Variants in EEA1 observed in about 807,000 individuals in gnomAD.
EEA1 encodes the protein early endosome antigen 1, 162kD.
EEA1 carries 111 observed loss-of-function variants against 209.2 expected under a neutral mutation model. The ratio of observed to expected loss-of-function variants is 0.53; its 90% CI spans 0.45 to 0.62. EEA1 has a LOEUF of 0.62. Among genes scored for constraint, EEA1 ranks in the 20% least tolerant of loss-of-function variants. The pLI is 0.00. For missense variants in EEA1, 1,343 were observed against 1,530.8 expected, an observed-to-expected ratio of 0.88 and a Z score of 2.05; for synonymous variants, 536 against 540.6, an observed-to-expected ratio of 0.99 and a Z score of 0.12.
At chr12:92,819,116 T>C (rs1875929079) in intron 14 of EEA1, among the ~76,000 whole-genome samples, 192 bp downstream of exon 14, 2 of 152,312 alleles carry the variant, frequency 1.3e-5, no homozygotes, top group South Asian at 4.1e-4. Context: ...CTTTGTCAAA[T>C]CATGTTAACT....
chr12:92,929,019 A>C (rs1372171170), intron 1 of EEA1, 24 bp downstream of exon 1: 2 of 1,585,828 alleles, frequency 1.3e-6, no homozygotes, highest in African/African-American at 1.4e-5. Context: ...ACGTGCTGCC[A>C]GAAAGACGGT....
chr12:92,809,091 C>T lies in EEA1; in HGVS notation c.2265G>A (p.Gln755=). The T allele has an allele frequency of 6.2e-7, 1 of 1,608,512 alleles. No individual in the cohort carries two copies. Among genetic ancestry groups the T allele is most frequent in the African/African-American group, 1.3e-5 (1 of 74,800 alleles). ...CTAAATCTGTGTTCAGCTGTCTTTG[C>T]TGTTGTAGATCTTGCAAAGCCTGCT... ...SKEQALQDLQ[Q]QRQLNTDLEL... Residue 755 remains glutamine (Q), a synonymous_variant, in exon 18 of 29, where the codon CAG becomes CAA. Transcript: ENST00000322349.
Position 92,776,055 on chromosome 12 carries a change from G to C in EEA1, c.4192C>G (p.Pro1398Ala). 1 of 1,611,492 alleles carries C rather than the reference G, an allele frequency of 6.2e-7. No individual in the cohort carries two copies. Among genetic ancestry groups the C allele is most frequent in the Non-Finnish European group, 8.5e-7 (1 of 1,178,348 alleles). Residue 1398 changes from proline (P) to alanine (A), a missense_variant, in exon 29 of 29, where the codon CCT becomes GCT. Physicochemically the swap from Pro to Ala is conservative, Grantham distance 27. Coordinates refer to ENST00000322349, the MANE Select transcript of EEA1 (RefSeq NM_003566.4). ...KNALTPSSKK[P>A]VRVCDACFND... ...AAACATGCATCACAGACACGAACAG[G>C]CTTCTTGGAGGAAGGAGTTAAGGCA...
intron 24 of EEA1, among the ~76,000 whole-genome samples, chr12:92,779,718 T>C (rs1041178483): frequency 1.3e-5 from 2 of 152,042 alleles, no homozygotes; most frequent in Non-Finnish European, 2.9e-5. Flanking sequence ...TAATTAATTA[T>C]AAACCAAAAT....
chr12:92,846,104 T>C (rs1214841114), intron 9 of EEA1, among the ~76,000 whole-genome samples: 1 of 152,190 alleles, frequency 6.6e-6, no homozygotes, highest in African/African-American at 2.4e-5. Flanking sequence ...TAAATAATCA[T>C]TTTAAAATGG....
intron 10 of EEA1, among the ~76,000 whole-genome samples, chr12:92,837,704 G>A (rs571354694): frequency 6.6e-6 from 1 of 152,268 alleles, no homozygotes; most frequent in African/African-American, 2.4e-5. Flanking sequence ...TTCAAGGCTA[G>A]TAATTATAAA....
At chr12:92,845,372 G>A (rs1458302226) in intron 9 of EEA1, among the ~76,000 whole-genome samples, 1 of 151,768 alleles carries the variant, frequency 6.6e-6, no homozygotes, top group Admixed American at 6.6e-5. Flanking sequence ...GTTTATATTT[G>A]GGGAAAAAAT....
At chr12:92,816,017 A>AG (rs1875765971) in intron 15 of EEA1, among the ~76,000 whole-genome samples, 183 bp downstream of exon 15, 1 of 151,174 alleles carries the variant, frequency 6.6e-6, no homozygotes, top group Admixed American at 6.6e-5. Context: ...AGAGACAGAG[A>AG]GGGGGAGCAG....
chr12:92,918,711 CA>C (rs1880868329), intron 1 of EEA1, among the ~76,000 whole-genome samples: 1 of 101,618 alleles, frequency 9.8e-6, no homozygotes, highest in South Asian at 2.8e-4. Context: ...CAAAGACATT[CA>C]AAAGCTAGCA....
At chr12:92,808,687 A>G (rs1040647233) in intron 18 of EEA1, among the ~76,000 whole-genome samples, 3 of 152,080 alleles carry the variant, frequency 2.0e-5, no homozygotes, top group Non-Finnish European at 4.4e-5. Context: ...ATATCCCCGA[A>G]TTTTTTAATT....
intron 10 of EEA1, among the ~76,000 whole-genome samples, chr12:92,836,528 TG>T (rs1285499955): frequency 6.6e-6 from 1 of 152,212 alleles, no homozygotes; most frequent in Non-Finnish European, 1.5e-5. Context: ...TCATCTCACT[TG>T]TTCCTCAGAA....
intron 2 of EEA1, among the ~76,000 whole-genome samples, chr12:92,885,242 A>C (rs1214869666): frequency 1.3e-5 from 2 of 152,100 alleles, no homozygotes; most frequent in Middle Eastern, 3.2e-3. Context: ...ACTACACGCT[A>C]TAAAATATAA....
chr12:92,802,496 CCTTT>C lies in EEA1; in HGVS notation c.2574_2577del (p.Lys859ThrfsTer10). 1 of 1,588,858 alleles carries C rather than the reference CCTTT, an allele frequency of 6.3e-7. No homozygotes were observed. The highest frequency in any genetic ancestry group is 8.5e-7 in the Non-Finnish European group (1 of 1,173,090). ...GAATCAGAAACTTTTGATAGTTTGTCCTTTACTGTAGAAAGCTCTGTCATTAAAG... is the reference window on the plus strand; with the variant it reads ...GAATCAGAAACTTTTGATAGTTTGTCACTGTAGAAAGCTCTGTCATTAAAG... On this transcript the variant is annotated frameshift_variant, in exon 19 of 29. Transcript: ENST00000322349. LOFTEE classifies it high-confidence loss of function.
intron 13 of EEA1, among the ~76,000 whole-genome samples, chr12:92,824,407 G>A (rs533983991): frequency 6.6e-6 from 1 of 152,218 alleles, no homozygotes; most frequent in African/African-American, 2.4e-5. Flanking sequence ...TCATTTCACC[G>A]CTTTGCTCAG....
chr12:92,860,481 A>C (rs1878091373), intron 3 of EEA1, among the ~76,000 whole-genome samples: 1 of 152,166 alleles, frequency 6.6e-6, no homozygotes, highest in African/African-American at 2.4e-5. Flanking sequence ...TATTTATTGT[A>C]TTCTGGGGTA....
In EEA1 at chr12:92,806,921, G is replaced by A. The variant is rs114150408; in HGVS notation, c.2339+2096C>T. On this transcript the variant is annotated intron_variant, in intron 18 of 28. Coordinates refer to ENST00000322349, the MANE Select transcript of EEA1 (RefSeq NM_003566.4). ...AGGTGATAAAATTCAATCCAAGCAC[G>A]GTAATTTTTCTTTTTTAATAATTTT... Among the ~76,000 whole-genome samples, 1,158 of 150,780 alleles carry A rather than the reference G, an allele frequency of 7.7e-3. 12 individuals carry two copies. The highest frequency in any genetic ancestry group is 0.027 in the African/African-American group (1,092 of 40,828).
chr12:92,925,818 A>C (rs1281986157), intron 1 of EEA1, among the ~76,000 whole-genome samples: 2 of 152,180 alleles, frequency 1.3e-5, no homozygotes, highest in Admixed American at 1.3e-4. Flanking sequence ...AAATTTCCGT[A>C]AAGTATCCTG....
intron 20 of EEA1, 92 bp downstream of exon 20, chr12:92,801,508 C>T: frequency 5.2e-6 from 4 of 767,070 alleles, no homozygotes; most frequent in South Asian, 2.6e-5. Context: ...GTGGAAATGC[C>T]CCCAAGAACA....
intron 18 of EEA1, among the ~76,000 whole-genome samples, chr12:92,804,437 T>C (rs1875087714): frequency 1.3e-5 from 2 of 151,928 alleles, no homozygotes; most frequent in Non-Finnish European, 2.9e-5. Flanking sequence ...CCAGGCATGA[T>C]GGCAGGCACC....
Sources: gnomAD v4.1 joint callset for allele counts (sites outside exome capture counted in the v4.1 genomes callset) on GRCh38, gnomAD v4.1.1 for gene constraint, MANE v1.5 for transcripts, NCBI Gene and HGNC (gene_info 2026-07-23, HGNC 2026-07-21) for gene names.